The following LITAF variants were observed in gnomAD, a reference collection of about 807,000 sequenced individuals.
The protein encoded by LITAF is lipopolysaccharide-induced tumor necrosis factor-alpha factor.
Under a neutral mutation model 14.5 loss-of-function variants are expected in LITAF, and 9 were observed. That is an observed-to-expected ratio of 0.62 (90% CI 0.37 to 1.08). LITAF has a LOEUF of 1.08. Among genes scored for constraint, LITAF ranks in the 50% least tolerant of loss-of-function variants. LITAF has a pLI of 0.01. For missense variants in LITAF, 206 were observed against 213.4 expected (o/e 0.97, Z 0.22); for synonymous variants, 98 against 88.2 (o/e 1.11, Z -0.62).
At chr16:11,564,198 C>T (rs2064416191) in intron 1 of LITAF, among the ~76,000 whole-genome samples, 1 of 152,158 alleles carries the variant, frequency 6.6e-6, no homozygotes, top group African/African-American at 2.4e-5. Context: ...GTGTGAGCCA[C>T]CGCGCCCGGC....
chr16:11,583,563 G>A (rs1464724217), intron 1 of LITAF, among the ~76,000 whole-genome samples: 1 of 152,198 alleles, frequency 6.6e-6, no homozygotes, highest in African/African-American at 2.4e-5. Flanking sequence ...GCCAGTGGTA[G>A]TTGTTTCGTT....
At chr16:11,610,020 C>T (rs775482809) in intron 3 of LITAF, among the ~76,000 whole-genome samples, 1 of 152,230 alleles carries the variant, frequency 6.6e-6, no homozygotes, top group Non-Finnish European at 1.5e-5. Flanking sequence ...CTATGGCCAC[C>T]AATCTCTGCA....
intron 2 of LITAF, among the ~76,000 whole-genome samples, chr16:11,555,291 G>A (rs2064250804): frequency 6.6e-6 from 1 of 152,164 alleles, no homozygotes. Context: ...AGCCTCCTCA[G>A]TAGCTAGGAT....
intron 1 of LITAF, among the ~76,000 whole-genome samples, chr16:11,581,215 T>G (rs1349025726): frequency 6.6e-6 from 1 of 152,260 alleles, no homozygotes; most frequent in African/African-American, 2.4e-5. Flanking sequence ...GTTTATTTCA[T>G]AGGCTCAATT....
upstream of LITAF, among the ~76,000 whole-genome samples, chr16:11,588,172 A>T (rs1478155262): frequency 6.6e-6 from 1 of 152,100 alleles, no homozygotes; most frequent in Non-Finnish European, 1.5e-5. Context: ...TGTAGATGTT[A>T]TTAGTGTGGG....
At chr16:11,611,257 G>A (rs1006919178) in intron 3 of LITAF, among the ~76,000 whole-genome samples, 4 of 152,130 alleles carry the variant, frequency 2.6e-5, no homozygotes, top group Non-Finnish European at 2.9e-5. Flanking sequence ...CTGGGAGGAT[G>A]AATTGAGCCC....
rs1418084196 is a variant in LITAF at position 11,629,987 on chromosome 16, A to G, written c.85+3546T>C. ...TCAGTCGCCAGGTGTTGGGGAGGGA[A>G]GAGAAGGAGTTCGGGTGCCTTCCTG... On this transcript the variant is annotated intron_variant, in intron 3 of 3. Coordinates refer to the LITAF transcript ENST00000574848. 3.3e-5 allele frequency among the ~76,000 whole-genome samples: 5 copies of G among 152,184 alleles called. No individual in the cohort carries two copies. The East Asian group carries it at 9.6e-4, about 29-fold the overall frequency.
chr16:11,603,462 G>C (rs731388), upstream of LITAF, among the ~76,000 whole-genome samples: 48,267 of 151,998 alleles, frequency 0.32, 9,584 homozygotes, highest in African/African-American at 0.54. Flanking sequence ...TTCCCCTCCA[G>C]AAATCCAGGG....
At chr16:11,567,666 A>G (rs2064474454) in intron 1 of LITAF, among the ~76,000 whole-genome samples, 2 of 152,104 alleles carry the variant, frequency 1.3e-5, no homozygotes, top group South Asian at 2.1e-4. Flanking sequence ...TCCAGTTCTG[A>G]TTCCAGCTAT....
At chr16:11,550,115 G>T (rs1293066501) in intron 3 of LITAF, among the ~76,000 whole-genome samples, 3 of 152,028 alleles carry the variant, frequency 2.0e-5, no homozygotes, top group Non-Finnish European at 2.9e-5. Context: ...TTTTGGTTTT[G>T]TTTTGTTTTG....
chr16:11,630,548 TC>T (rs948168137), intron 3 of LITAF, among the ~76,000 whole-genome samples: 8 of 147,334 alleles, frequency 5.4e-5, no homozygotes, highest in African/African-American at 2.0e-4. Flanking sequence ...GGCAGTGCCT[TC>T]CCCTACCTGC....
intron 3 of LITAF, among the ~76,000 whole-genome samples, chr16:11,616,493 GAA>G (rs201549448): frequency 1.5e-5 from 2 of 129,792 alleles, no homozygotes; most frequent in African/African-American, 2.8e-5. Flanking sequence ...AACAAAACAA[GAA>G]AAAAAAAAAG....
At chr16:11,603,645 T>C (rs1342850226) in intron 3 of LITAF, among the ~76,000 whole-genome samples, 2 of 152,082 alleles carry the variant, frequency 1.3e-5, no homozygotes, top group African/African-American at 4.8e-5. Flanking sequence ...GTTCGGAAAA[T>C]CCGCAGCCCC....
chr16:11,605,864 G>C lies in LITAF; in HGVS notation c.85+27669C>G, dbSNP rs12933316. On this transcript the variant is annotated intron_variant, in intron 3 of 3. Coordinates refer to the LITAF transcript ENST00000574848. The surrounding 1 kb of genome is among the most constrained non-coding windows in gnomAD (Gnocchi z 4.7). ...ACCGCACCAGGAGGTAGGTTCCACT[G>C]TTCCCACGGAAACTTATCAATAGCT... Among the ~76,000 whole-genome samples, 1 of 151,966 alleles carries C rather than the reference G, an allele frequency of 6.6e-6. No individual in the cohort carries two copies. Among genetic ancestry groups the C allele is most frequent in the East Asian group, 1.9e-4 (1 of 5,174 alleles).
chr16:11,638,004 CTATATATATCTATA>C (rs1482614363), upstream of LITAF, among the ~76,000 whole-genome samples: 10 of 48,432 alleles, frequency 2.1e-4, 2 homozygotes, highest in African/African-American at 1.8e-3. Context: ...CTATATATAT[CTATATATATCTATA>C]TATATCTATA....
At chr16:11,577,316 ATTTT>A (rs71136668) in intron 1 of LITAF, among the ~76,000 whole-genome samples, 5 of 128,016 alleles carry the variant, frequency 3.9e-5, no homozygotes, top group Admixed American at 8.4e-5. Context: ...AGAAGTGTCT[ATTTT>A]TTTTTTTTTT....
At chr16:11,566,109 G>T (rs2064447821) in intron 1 of LITAF, among the ~76,000 whole-genome samples, 1 of 152,068 alleles carries the variant, frequency 6.6e-6, no homozygotes, top group Admixed American at 6.5e-5. Flanking sequence ...TAAGCACTCG[G>T]TATGTGTCAG....
chr16:11,571,230 G>A (rs1454340354), intron 1 of LITAF, among the ~76,000 whole-genome samples: 1 of 152,090 alleles, frequency 6.6e-6, no homozygotes, highest in Non-Finnish European at 1.5e-5. Flanking sequence ...ACCATGCCTG[G>A]CTAATTTTTG....
intron 1 of LITAF, among the ~76,000 whole-genome samples, chr16:11,592,303 C>G (rs1475945189): frequency 6.6e-6 from 1 of 152,120 alleles, no homozygotes; most frequent in Admixed American, 6.5e-5. Context: ...GGGCTGGGTG[C>G]GGTGGCTCAC....
Sources: allele counts gnomAD v4.1 joint callset (sites outside exome capture counted in the v4.1 genomes callset), GRCh38; gene constraint gnomAD v4.1.1; non-coding constraint Gnocchi (gnomAD v3.1); transcripts MANE v1.5; gene names NCBI Gene and HGNC (gene_info 2026-07-23, HGNC 2026-07-21).